Variants in TCERG1L observed in about 807,000 individuals in gnomAD.
TCERG1L encodes the protein transcription elongation regulator 1-like protein.
A neutral mutation model predicts 56.3 loss-of-function variants in TCERG1L; 37 were observed. That is an observed-to-expected ratio of 0.66 (90% CI 0.51 to 0.87). TCERG1L has a LOEUF of 0.87. TCERG1L is among the 40% of genes least tolerant of loss of function. The probability of loss-of-function intolerance (pLI) is 0.00; values close to 1 mark genes in which losing one functional copy is unlikely to be tolerated. For synonymous variants in TCERG1L, 324 were observed against 326.3 expected (o/e 0.99, Z 0.08); for missense variants, 799 against 774.2 (o/e 1.03, Z -0.38).
At chr10:131,255,427 TA>T (rs1360009672) in intron 4 of TCERG1L, among the ~76,000 whole-genome samples, 5 of 152,236 alleles carry the variant, frequency 3.3e-5, no homozygotes, top group African/African-American at 1.2e-4. Flanking sequence ...GGTAAACATA[TA>T]TTTTTAAAAA....
intron 7 of TCERG1L, among the ~76,000 whole-genome samples, chr10:131,136,600 A>G (rs952527100): frequency 6.6e-6 from 1 of 151,938 alleles, no homozygotes; most frequent in Non-Finnish European, 1.5e-5. Context: ...GGCTCAAGCA[A>G]TTCTCCTGCC....
At chr10:131,094,359 C>T (rs911594706) in intron 11 of TCERG1L, among the ~76,000 whole-genome samples, 14 of 152,206 alleles carry the variant, frequency 9.2e-5, no homozygotes, top group African/African-American at 3.4e-4. Flanking sequence ...TCCCACTTCT[C>T]CTTACAGAGA....
chr10:131,227,429 G>A (rs939065608), intron 4 of TCERG1L, among the ~76,000 whole-genome samples: 1 of 152,224 alleles, frequency 6.6e-6, no homozygotes, highest in South Asian at 2.1e-4. Flanking sequence ...TGGTTCCAGG[G>A]CAGCCCAGCT....
chr10:131,230,628 TG>T (rs781165268), intron 4 of TCERG1L, among the ~76,000 whole-genome samples: 4 of 152,188 alleles, frequency 2.6e-5, no homozygotes, highest in Non-Finnish European at 4.4e-5. Context: ...TGTGAGACAG[TG>T]GGACAGTGGA....
chr10:131,225,971 G>C (rs910440519), intron 4 of TCERG1L, among the ~76,000 whole-genome samples: 1 of 152,126 alleles, frequency 6.6e-6, no homozygotes, highest in Non-Finnish European at 1.5e-5. Context: ...AGGGTCTCAC[G>C]CTGTCATCCA....
At chr10:131,171,779 C>A (rs1308713271) in intron 4 of TCERG1L, among the ~76,000 whole-genome samples, 1 of 152,176 alleles carries the variant, frequency 6.6e-6, no homozygotes, top group Non-Finnish European at 1.5e-5. Flanking sequence ...CCATGTTGGC[C>A]AGGCTGGTGT....
intron 4 of TCERG1L, among the ~76,000 whole-genome samples, chr10:131,236,645 A>G (rs956113065): frequency 1.6e-4 from 24 of 152,142 alleles, no homozygotes; most frequent in African/African-American, 5.8e-4. Context: ...AGCCCTCTGA[A>G]TCTTATTATC....
At chr10:131,289,294 A>G (rs1372120229) in intron 3 of TCERG1L, among the ~76,000 whole-genome samples, 1 of 152,188 alleles carries the variant, frequency 6.6e-6, no homozygotes, top group African/African-American at 2.4e-5. Flanking sequence ...CAGCATAAAG[A>G]AAAAAAGATG....
intron 8 of TCERG1L, among the ~76,000 whole-genome samples, chr10:131,130,188 C>T (rs1316946913): frequency 6.6e-6 from 1 of 151,966 alleles, no homozygotes; most frequent in Non-Finnish European, 1.5e-5. Context: ...AGGCGGCAGG[C>T]AAGGAGAGTG....
chr10:131,213,963 G>A (rs1465172685), intron 4 of TCERG1L, among the ~76,000 whole-genome samples: 3 of 152,196 alleles, frequency 2.0e-5, no homozygotes, highest in Non-Finnish European at 4.4e-5. Flanking sequence ...CAGTGGCTGT[G>A]GAAGTCAGTC....
intron 8 of TCERG1L, among the ~76,000 whole-genome samples, chr10:131,121,056 C>G (rs530217204): frequency 6.6e-6 from 1 of 152,352 alleles, no homozygotes; most frequent in Admixed American, 6.5e-5. Context: ...AGAGGGGCTT[C>G]TGGTTGGTGT....
intron 4 of TCERG1L, among the ~76,000 whole-genome samples, chr10:131,217,395 TA>T (rs1230644917): frequency 6.6e-6 from 1 of 152,148 alleles, no homozygotes; most frequent in African/African-American, 2.4e-5. Flanking sequence ...GCCTGCAGAA[TA>T]GTGAGCCAAT....
chr10:131,253,172 G>A (rs533979095), intron 4 of TCERG1L, among the ~76,000 whole-genome samples: 8 of 152,288 alleles, frequency 5.3e-5, no homozygotes, highest in African/African-American at 1.9e-4. Context: ...CCAGGAGCCC[G>A]GCCACCATCG....
intron 9 of TCERG1L, among the ~76,000 whole-genome samples, chr10:131,116,279 G>A (rs1019645533): frequency 1.3e-5 from 2 of 152,224 alleles, no homozygotes; most frequent in African/African-American, 4.8e-5. Context: ...TTCATCTGAA[G>A]GGAGGGAGTA....
intron 6 of TCERG1L, among the ~76,000 whole-genome samples, chr10:131,158,401 C>A (rs1156340364): frequency 1.3e-5 from 2 of 152,238 alleles, no homozygotes; most frequent in South Asian, 4.1e-4. Flanking sequence ...TCAAACACTC[C>A]ATTTCTTAGC....
intron 11 of TCERG1L, 79 bp from the exon 12 acceptor site, chr10:131,093,397 T>A: frequency 6.5e-7 from 1 of 1,530,316 alleles, no homozygotes; most frequent in Non-Finnish European, 8.9e-7. Context: ...CGGCACCGCC[T>A]GAGCAAGCAT....
intron 11 of TCERG1L, among the ~76,000 whole-genome samples, chr10:131,093,613 C>T (rs1171866076): frequency 6.6e-6 from 1 of 152,216 alleles, no homozygotes; most frequent in Non-Finnish European, 1.5e-5. Context: ...CTGTCACTCC[C>T]CCAGCCGCCC....
rs773974035 is a variant in TCERG1L, at chr10:131,260,358, G to C, written c.757C>G (p.Pro253Ala). The C allele has an allele frequency of 7.4e-6, 11 of 1,495,002 alleles. No homozygotes were observed. The highest frequency in any genetic ancestry group is 9.7e-6 in the Non-Finnish European group (11 of 1,131,994). 92.6% of individuals were successfully genotyped at this position (1,495,002 alleles called of 1,614,324 possible). A position where few individuals can be genotyped will look rare whatever the true frequency, so the allele number is the denominator to read the frequency against. The change falls in exon 4 of 12, where the codon CCT becomes GCT. Residue 253 changes from proline to alanine, a missense_variant. Physicochemically the swap from Pro to Ala is conservative, Grantham distance 27 (BLOSUM62 -1). Transcript: ENST00000368642. The surrounding 1 kb of genome is among the most constrained non-coding windows in gnomAD (Gnocchi z 5.8). ...GGGGACGGGCCCCGGAGGTTCTCAG[G>C]GTCCACGGAGACCATGGCAGCGGCG... ...AAAAAMVSVD[P>A]ENLRGPSPSS...
intron 6 of TCERG1L, 111 bp from the exon 7 acceptor site, chr10:131,146,771 G>C (rs1211177931): frequency 1.6e-6 from 2 of 1,279,994 alleles, no homozygotes; most frequent in Non-Finnish European, 2.1e-6. Flanking sequence ...CCACACATTT[G>C]CAAAGCTTGT....
Sources: gnomAD v4.1 joint callset for allele counts (sites outside exome capture counted in the v4.1 genomes callset) on GRCh38, gnomAD v4.1.1 for gene constraint, Gnocchi (gnomAD v3.1) non-coding constraint, MANE v1.5 for transcripts, NCBI Gene and HGNC (gene_info 2026-07-23, HGNC 2026-07-21) for gene names.